The following RAP1B variants were observed in gnomAD, a reference collection of about 807,000 sequenced individuals.
RAP1B encodes the protein RAP1B, member of RAS oncogene family.
A neutral mutation model predicts 27.5 loss-of-function variants in RAP1B; 1 was observed. The observed-to-expected ratio is 0.04, with a 90% confidence interval of 0.01 to 0.17. RAP1B has a LOEUF of 0.17. Among genes scored for constraint, RAP1B ranks in the 10% least tolerant of loss-of-function variants. The pLI, the probability that RAP1B is intolerant of heterozygous loss-of-function variation, is 1.00. For missense variants in RAP1B, 84 were observed against 214.8 expected, an observed-to-expected ratio of 0.39 and a Z score of 3.81; for synonymous variants, 75 against 73.1, an observed-to-expected ratio of 1.03 and a Z score of -0.13.
In RAP1B at chr12:68,652,068, A is replaced by G. The variant is rs1436710470; in HGVS notation, c.183+17A>G. On this transcript the variant is annotated intron_variant, in intron 4 of 7. Transcript: ENST00000250559. ...GCAGGAACGGTAGGTAAAACTAAAT[A>G]CCAAAGTATATACACCGTTTGTACA... is the stretch of plus-strand genomic sequence containing the variant. 2 of 1,583,728 alleles carry G rather than the reference A, an allele frequency of 1.3e-6. No homozygotes were observed. The highest frequency in any genetic ancestry group is 8.7e-7 in the Non-Finnish European group (1 of 1,152,696).
intron 2 of RAP1B, 68 bp from the exon 3 acceptor site, chr12:68,650,332 C>T: frequency 7.6e-7 from 1 of 1,318,906 alleles, no homozygotes. Context: ...ACTCAGTTTA[C>T]AATTACATTA....
At chr12:68,648,816 C>A (rs780145302) in intron 2 of RAP1B, 35 bp downstream of exon 2, 1 of 1,553,794 alleles carries the variant, frequency 6.4e-7, no homozygotes. Context: ...GCCTTTCACT[C>A]CAAGACGTTC....
In RAP1B at chr12:68,663,047, ATTTTCTTTTTTTTTCT is replaced by A. The variant is rs1322077160; in HGVS notation, c.*3813_*3828del. 1 of 151,000 alleles carries A rather than the reference ATTTTCTTTTTTTTTCT, an allele frequency of 6.6e-6. No individual in the cohort carries two copies. The highest frequency in any genetic ancestry group is 6.6e-5 in the Admixed American group (1 of 15,144). 9.4% of individuals were successfully genotyped at this position (151,000 alleles called of 1,614,324 possible). ...TGTTACAGTGCATCAACACATTTGA[ATTTTCTTTTTTTTTCT>A]TTTTCTTTTTTTTTTTTGAGACTGA... is the stretch of plus-strand genomic sequence containing the variant. On this transcript the variant is annotated 3_prime_UTR_variant, in exon 8 of 8. Transcript: ENST00000250559.
intron 1 of RAP1B, among the ~76,000 whole-genome samples, chr12:68,618,243 C>T (rs181389979): frequency 4.4e-4 from 67 of 151,960 alleles, no homozygotes; most frequent in African/African-American, 1.4e-3. Context: ...TGCGCCACCA[C>T]GCCTGGCTAA....
At chr12:68,643,060 T>G (rs1419117369) in intron 1 of RAP1B, 1 of 688,620 alleles carries the variant, frequency 1.5e-6, no homozygotes. Flanking sequence ...TCTTGAAGGT[T>G]GTTCATCTTA....
chr12:68,654,390 A>G (rs903544227), intron 5 of RAP1B, 138 bp downstream of exon 5: 1 of 673,586 alleles, frequency 1.5e-6, no homozygotes, highest in Admixed American at 3.2e-5. Context: ...TTTTCCTTGA[A>G]AGGCAAAAAT....
intron 1 of RAP1B, among the ~76,000 whole-genome samples, chr12:68,616,665 C>T (rs1381727990): frequency 6.6e-6 from 1 of 151,676 alleles, no homozygotes; most frequent in African/African-American, 2.4e-5. Context: ...AATTCCTGAC[C>T]TCAGGTGATC....
chr12:68,629,538 C>T (rs1271539494), intron 1 of RAP1B, among the ~76,000 whole-genome samples: 1 of 152,180 alleles, frequency 6.6e-6, no homozygotes, highest in Non-Finnish European at 1.5e-5. Context: ...ACAAAATTAA[C>T]AGATTAGATT....
intron 1 of RAP1B, among the ~76,000 whole-genome samples, chr12:68,619,188 A>T (rs949904247): frequency 6.6e-6 from 1 of 152,214 alleles, no homozygotes; most frequent in Non-Finnish European, 1.5e-5. Flanking sequence ...CACACGCTGA[A>T]TCAATCTTCA....
At chr12:68,611,215 G>C (rs991438437) in intron 1 of RAP1B, among the ~76,000 whole-genome samples, 172 bp downstream of exon 1, 1 of 146,964 alleles carries the variant, frequency 6.8e-6, no homozygotes, top group East Asian at 2.0e-4. Flanking sequence ...CGAGGGCCAG[G>C]CGCCGGGCCC....
chr12:68,658,946 A>G (rs1466327240), intron 7 of RAP1B, among the ~76,000 whole-genome samples: 1 of 152,202 alleles, frequency 6.6e-6, no homozygotes, highest in Non-Finnish European at 1.5e-5. Context: ...CCTAATTCTA[A>G]TAAGGTTGAC....
chr12:68,650,639 A>G, intron 3 of RAP1B, 171 bp downstream of exon 3: 2 of 529,408 alleles, frequency 3.8e-6, no homozygotes, highest in Middle Eastern at 6.0e-4. Flanking sequence ...TAAGAGGATC[A>G]TAAACACCCA....
At chr12:68,614,118 T>C (rs1305133582) in intron 1 of RAP1B, among the ~76,000 whole-genome samples, 1 of 152,236 alleles carries the variant, frequency 6.6e-6, no homozygotes, top group African/African-American at 2.4e-5. Context: ...AGACATGTTA[T>C]TTTAAATGCA....
Position 68,656,981 on chromosome 12 carries a change from G to GC in RAP1B, c.469-119dup, listed in dbSNP as rs148156573. 12,293 of 856,068 alleles carry GC rather than the reference G, an allele frequency of 0.014. 1,010 individuals carry two copies. The African/African-American group carries it at 0.19, about 13-fold the overall frequency. The allele number at this position is 856,068 out of a possible 1,614,324, so 53.0% of individuals were successfully genotyped here. On this transcript the variant is annotated intron_variant, in intron 6 of 7. Transcript: ENST00000250559. ...CACCTGATTTTATTCTCATTCCTTA[G>GC]CTGAACAATTCTGGGCATTAATTTA... is the stretch of plus-strand genomic sequence containing the variant.
chr12:68,659,054 A>G (rs567928484), intron 7 of RAP1B, among the ~76,000 whole-genome samples: 1 of 152,216 alleles, frequency 6.6e-6, no homozygotes, highest in South Asian at 2.1e-4. Context: ...TGTTCCTAAG[A>G]TTTTCATTTA....
chr12:68,616,277 T>A (rs1030751815), intron 1 of RAP1B, among the ~76,000 whole-genome samples: 1 of 150,102 alleles, frequency 6.7e-6, no homozygotes, highest in Non-Finnish European at 1.5e-5. Context: ...TTTTTTGTTG[T>A]TGTTGTTTTG....
At chr12:68,628,876 A>C (rs570507691) in intron 1 of RAP1B, among the ~76,000 whole-genome samples, 1 of 152,244 alleles carries the variant, frequency 6.6e-6, no homozygotes, top group South Asian at 2.1e-4. Flanking sequence ...ATAGAACACT[A>C]TCATTACAGG....
In RAP1B at chr12:68,670,443, T is replaced by G. The variant is rs1875041143; in HGVS notation, c.*11194T>G. The G allele has an allele frequency of 6.6e-6, 1 of 152,194 alleles. No homozygotes were observed. Among genetic ancestry groups the G allele is most frequent in the Non-Finnish European group, 1.5e-5 (1 of 68,032 alleles). The allele number at this position is 152,194 out of a possible 1,614,324, so 9.4% of individuals were successfully genotyped here. On this transcript the variant is annotated 3_prime_UTR_variant, in exon 8 of 8. Transcript: ENST00000250559. ...AAATCTAGAGATAGGGTAGACCTTC[T>G]TAGCTAATTTTTAAAAATGAAGCTA...
rs895923558 is a variant in RAP1B at position 68,622,905 on chromosome 12, T to A, written c.-27+11862T>A. Among the ~76,000 whole-genome samples, 13 of 152,220 alleles carry A rather than the reference T, an allele frequency of 8.5e-5. 1 individual carries two copies. The highest frequency in any genetic ancestry group is 2.1e-4 in the South Asian group (1 of 4,832). On this transcript the variant is annotated intron_variant, in intron 1 of 7. Coordinates refer to ENST00000250559, the MANE Select transcript of RAP1B (RefSeq NM_001010942.3). The stretch of plus-strand genomic sequence containing the variant: ...TTGGTAGTGGCCTGGTCTCATAATC[T>A]TGCCCAGGCTAGTCTGGAACTACTG...
Sources: gnomAD v4.1 joint callset for allele counts (sites outside exome capture counted in the v4.1 genomes callset) on GRCh38, gnomAD v4.1.1 for gene constraint, MANE v1.5 for transcripts, NCBI Gene and HGNC (gene_info 2026-07-23, HGNC 2026-07-21) for gene names.